Variants in FBXO34 observed in about 807,000 individuals in gnomAD.
The protein encoded by FBXO34 is F-box protein 34.
Under a neutral mutation model 24.5 loss-of-function variants are expected in FBXO34, and 12 were observed. That is an observed-to-expected ratio of 0.49 (90% CI 0.31 to 0.79). The LOEUF is 0.79. FBXO34 is among the 30% of genes least tolerant of loss of function. The pLI, the probability that FBXO34 is intolerant of heterozygous loss-of-function variation, is 0.04. For synonymous variants in FBXO34, 320 were observed against 311.9 expected (o/e 1.03, Z -0.27); for missense variants, 823 against 857.7 (o/e 0.96, Z 0.51).
chr14:55,425,111 A>T, the FBXO34 span, among the ~76,000 whole-genome samples: 4 of 152,208 alleles, frequency 2.6e-5, no homozygotes, highest in African/African-American at 9.6e-5. Flanking sequence ...CAAGACCCAA[A>T]AACAACAGCA....
In FBXO34 at chr14:55,338,927, A is replaced by C. The variant is rs563376964; in HGVS notation, c.-10-11454A>C. Among the ~76,000 whole-genome samples, 17 of 151,774 alleles carry C rather than the reference A, an allele frequency of 1.1e-4. No homozygotes were observed. The South Asian group carries it at 3.3e-3, about 30-fold the overall frequency. On this transcript the variant is annotated intron_variant, in intron 1 of 1. Transcript: ENST00000313833. ...TCTCAAAAACAAAAAAAAACAAAAAAAAAAAAGCCAAAAAAAACCCCCCAA... is the reference window on the plus strand; with the variant it reads ...TCTCAAAAACAAAAAAAAACAAAAACAAAAAAGCCAAAAAAAACCCCCCAA...
the FBXO34 span, chr14:55,397,228 A>G: frequency 1.3e-6 from 1 of 753,322 alleles, no homozygotes; most frequent in Non-Finnish European, 2.3e-6. Flanking sequence ...CCTCTCCCAC[A>G]TGCACTCCTT....
At chr14:55,370,952 T>G (rs73279095), downstream of FBXO34, among the ~76,000 whole-genome samples, 1,600 of 152,246 alleles carry the variant, frequency 0.011, 32 homozygotes, top group African/African-American at 0.037. Flanking sequence ...CCTTTCTGCT[T>G]CTTTTTCCCC....
chr14:55,305,779 G>C (rs942336986), intron 1 of FBXO34, among the ~76,000 whole-genome samples: 1 of 152,132 alleles, frequency 6.6e-6, no homozygotes, highest in Admixed American at 6.5e-5. Context: ...TCAATAGCAG[G>C]ATTTTTCCCG....
the FBXO34 span, among the ~76,000 whole-genome samples, chr14:55,376,780 T>C: frequency 6.6e-6 from 1 of 152,086 alleles, no homozygotes; most frequent in South Asian, 2.1e-4. Context: ...TATATAACCA[T>C]ATCACATCTC....
chr14:55,377,854 C>T, the FBXO34 span: 2 of 1,602,492 alleles, frequency 1.2e-6, no homozygotes, highest in Admixed American at 1.8e-5. Context: ...TGACCAGGTA[C>T]ATTAGATTCC....
At chr14:55,412,318 C>T in the FBXO34 span, among the ~76,000 whole-genome samples, 216 of 152,304 alleles carry the variant, frequency 1.4e-3, 1 homozygote, top group Non-Finnish European at 2.4e-3. Context: ...TCTCTCTGCG[C>T]CTGTTCTCTC....
At chr14:55,374,155 A>G (rs117941220), downstream of FBXO34, among the ~76,000 whole-genome samples, 1 of 152,306 alleles carries the variant, frequency 6.6e-6, no homozygotes, top group Non-Finnish European at 1.5e-5. Context: ...TTTTTGTCAA[A>G]CTGATGGTTG....
At chr14:55,304,079 G>C (rs765388932) in intron 1 of FBXO34, among the ~76,000 whole-genome samples, 7 of 152,192 alleles carry the variant, frequency 4.6e-5, no homozygotes, top group Non-Finnish European at 1.0e-4. Context: ...CATGTGTGCG[G>C]TTAAAGTGAT....
chr14:55,388,161 T>C, the FBXO34 span, among the ~76,000 whole-genome samples: 1 of 152,140 alleles, frequency 6.6e-6, no homozygotes, highest in African/African-American at 2.4e-5. Context: ...CAACATCTCT[T>C]TGCCATCCTG....
chr14:55,375,490 A>ATTT, the FBXO34 span, among the ~76,000 whole-genome samples: 524 of 117,736 alleles, frequency 4.5e-3, 6 homozygotes, highest in African/African-American at 0.013. Flanking sequence ...GCCGGGCTAA[A>ATTT]TTTTTTTTTT....
chr14:55,323,184 CAAAAAAAAAAAAAAA>C (rs368380622), intron 1 of FBXO34, among the ~76,000 whole-genome samples: 3 of 12,166 alleles, frequency 2.5e-4, no homozygotes, highest in Admixed American at 2.7e-3. Context: ...GACTCTGTCT[CAAAAAAAAAAAAAAA>C]AAAAAAAAAA....
chr14:55,338,048 C>CTTTTTTTTTTTTTGTTTTTTTT (rs1883847306), intron 1 of FBXO34, among the ~76,000 whole-genome samples: 1 of 88,266 alleles, frequency 1.1e-5, no homozygotes, highest in Non-Finnish European at 2.1e-5. Flanking sequence ...GTATGTACTT[C>CTTTTTTTTTTTTTGTTTTTTTT]TTTTTTTTTT....
chr14:55,426,048 C>T, the FBXO34 span, among the ~76,000 whole-genome samples: 1 of 151,984 alleles, frequency 6.6e-6, no homozygotes, highest in Non-Finnish European at 1.5e-5. Flanking sequence ...GGGTGGATCG[C>T]CTGAGGTCAG....
downstream of FBXO34, among the ~76,000 whole-genome samples, chr14:55,366,184 C>T (rs1421722635): frequency 6.6e-6 from 1 of 152,198 alleles, no homozygotes; most frequent in African/African-American, 2.4e-5. Flanking sequence ...ATGCAACCAG[C>T]TTCTCAGCTT....
intron 1 of FBXO34, among the ~76,000 whole-genome samples, chr14:55,274,313 A>C (rs1489894501): frequency 2.6e-5 from 4 of 152,346 alleles, no homozygotes; most frequent in African/African-American, 9.6e-5. Context: ...ACTGAGGGAC[A>C]ACGACAGATA....
intron 1 of FBXO34, among the ~76,000 whole-genome samples, chr14:55,276,870 C>T (rs1349435985): frequency 6.6e-6 from 1 of 152,130 alleles, no homozygotes; most frequent in African/African-American, 2.4e-5. Context: ...TGGGAGTCAG[C>T]TTGCACAAGT....
chr14:55,276,235 T>C (rs1236576703), intron 1 of FBXO34, among the ~76,000 whole-genome samples: 1 of 152,220 alleles, frequency 6.6e-6, no homozygotes, highest in Non-Finnish European at 1.5e-5. Flanking sequence ...TCATTTCCAG[T>C]GTTTGCTTTC....
At chr14:55,385,518 C>T in the FBXO34 span, among the ~76,000 whole-genome samples, 1 of 152,218 alleles carries the variant, frequency 6.6e-6, no homozygotes, top group Non-Finnish European at 1.5e-5. Context: ...GTCTCAAACT[C>T]CTGACCTCAG....
Sources: gnomAD v4.1 joint callset for allele counts (sites outside exome capture counted in the v4.1 genomes callset) on GRCh38, gnomAD v4.1.1 for gene constraint, MANE v1.5 for transcripts, NCBI Gene and HGNC (gene_info 2026-07-23, HGNC 2026-07-21) for gene names.